Variants in NFIA observed in about 807,000 individuals in gnomAD.
The protein encoded by NFIA is nuclear factor 1 A-type.
A neutral mutation model predicts 62.8 loss-of-function variants in NFIA; 8 were observed. The observed-to-expected ratio is 0.13, with a 90% CI of 0.07 to 0.23. The LOEUF (loss-of-function observed/expected upper bound fraction) is 0.23. NFIA is among the 10% of genes least tolerant of loss of function. The pLI, the probability that NFIA is intolerant of heterozygous loss-of-function variation, is 1.00. For missense variants in NFIA, 410 were observed against 642.1 expected (o/e 0.64, Z 3.91); for synonymous variants, 235 against 238.1 (o/e 0.99, Z 0.12).
At chr1:61,448,748 A>G (rs893232025) in intron 10 of NFIA, among the ~76,000 whole-genome samples, 3 of 152,172 alleles carry the variant, frequency 2.0e-5, no homozygotes, top group Non-Finnish European at 4.4e-5. Context: ...GCCGGAGTGC[A>G]GTTTTTAATC....
chr1:61,138,202 C>G (rs1259201208), intron 2 of NFIA, among the ~76,000 whole-genome samples: 2 of 151,908 alleles, frequency 1.3e-5, no homozygotes, highest in Non-Finnish European at 2.9e-5. Context: ...CTCAATTGAT[C>G]CTCCCACCTC....
chr1:61,390,480 G>A lies in NFIA; in HGVS notation c.1075+7115G>A, dbSNP rs1664917500. On this transcript the variant is annotated intron_variant, in intron 7 of 10. Transcript: ENST00000403491. ...ATTCCAGTTTCTGTTTGGAGAGGTA[G>A]TCAGAAGTTTATATGCTCTATAAAC... 2.0e-5 allele frequency among the ~76,000 whole-genome samples: 3 copies of A among 152,326 alleles called. No homozygotes were observed. The South Asian group carries it at 6.2e-4, about 32-fold the overall frequency.
chr1:61,456,594 C>T lies in NFIA; in HGVS notation c.*1274C>T, dbSNP rs1255393433. ...CATAGGATTTATCAGTTATCAGACA[C>T]CTCATTGTACCAGAGATTGTCCAGA... On this transcript the variant is annotated 3_prime_UTR_variant, in exon 11 of 11. Transcript: ENST00000403491. 2.0e-5 allele frequency: 3 copies of T among 151,188 alleles called. No homozygotes were observed. Among genetic ancestry groups the T allele is most frequent in the Non-Finnish European group, 4.4e-5 (3 of 67,820 alleles). The allele number at this position is 151,188 out of a possible 1,614,324, so 9.4% of individuals were successfully genotyped here.
chr1:61,257,512 A>AT (rs35345563), intron 2 of NFIA, among the ~76,000 whole-genome samples: 103 of 150,558 alleles, frequency 6.8e-4, no homozygotes, highest in African/African-American at 2.2e-3. Flanking sequence ...TAATTTTTGT[A>AT]TTTTTTTAGT....
At chr1:61,192,690 G>A (rs891000694) in intron 2 of NFIA, among the ~76,000 whole-genome samples, 1 of 149,358 alleles carries the variant, frequency 6.7e-6, no homozygotes, top group African/African-American at 2.5e-5. Context: ...GTGACGGAGC[G>A]AGACTCTTGT....
chr1:61,123,542 A>C (rs1020444434), intron 2 of NFIA, among the ~76,000 whole-genome samples: 1 of 152,206 alleles, frequency 6.6e-6, no homozygotes, highest in Non-Finnish European at 1.5e-5. Flanking sequence ...GTGAAATGAC[A>C]TAAGTCTGTA....
At chr1:61,201,963 C>A (rs1312884664) in intron 2 of NFIA, among the ~76,000 whole-genome samples, 3 of 151,958 alleles carry the variant, frequency 2.0e-5, no homozygotes, top group Admixed American at 6.6e-5. Context: ...AAAAAACACT[C>A]AGATTCCAAT....
chr1:61,390,702 A>G (rs1462576532), intron 7 of NFIA, among the ~76,000 whole-genome samples: 3 of 152,206 alleles, frequency 2.0e-5, no homozygotes, highest in Non-Finnish European at 4.4e-5. Flanking sequence ...CATAATAGGC[A>G]TAGACAATAA....
At chr1:61,277,329 G>A (rs769991524) in intron 2 of NFIA, among the ~76,000 whole-genome samples, 191 bp from the exon 3 acceptor site, 4 of 151,108 alleles carry the variant, frequency 2.6e-5, no homozygotes, top group South Asian at 2.1e-4. Flanking sequence ...CTCTCTAAAG[G>A]CACAGGCTGC....
At chr1:61,162,566 A>G (rs1310241712) in intron 2 of NFIA, among the ~76,000 whole-genome samples, 3 of 152,196 alleles carry the variant, frequency 2.0e-5, no homozygotes, top group Non-Finnish European at 4.4e-5. Context: ...TCCTAGTACC[A>G]GGGTTCCACG....
chr1:61,111,561 A>G (rs1291460448), intron 2 of NFIA, among the ~76,000 whole-genome samples: 1 of 152,142 alleles, frequency 6.6e-6, no homozygotes, highest in Non-Finnish European at 1.5e-5. Flanking sequence ...CTTTATAGCC[A>G]ACAGAAAAGG....
chr1:61,114,488 C>G (rs957184307), intron 2 of NFIA, among the ~76,000 whole-genome samples: 3 of 152,142 alleles, frequency 2.0e-5, no homozygotes, highest in Non-Finnish European at 4.4e-5. Flanking sequence ...GATCCTTTCT[C>G]AAAACATAAA....
chr1:61,166,201 T>C (rs544510198), intron 2 of NFIA, among the ~76,000 whole-genome samples: 4 of 152,222 alleles, frequency 2.6e-5, no homozygotes, highest in Admixed American at 2.6e-4. Context: ...TAGGAAAATA[T>C]AGTACATTTC....
intron 2 of NFIA, among the ~76,000 whole-genome samples, chr1:61,212,158 G>A (rs1354916446): frequency 6.6e-6 from 1 of 152,148 alleles, no homozygotes; most frequent in Non-Finnish European, 1.5e-5. Context: ...AGAGGGATAA[G>A]CAAGCAAGGA....
chr1:61,328,871 C>T (rs199973555), intron 3 of NFIA, among the ~76,000 whole-genome samples: 4 of 150,946 alleles, frequency 2.6e-5, no homozygotes, highest in African/African-American at 4.9e-5. Context: ...TACAGGTACA[C>T]GTCACTACAG....
chr1:61,329,475 C>T (rs745732096), intron 3 of NFIA, among the ~76,000 whole-genome samples: 4 of 150,792 alleles, frequency 2.7e-5, no homozygotes, highest in Admixed American at 6.6e-5. Context: ...CTCTGCCTCC[C>T]GGGTTCAAGT....
At chr1:61,341,513 C>G (rs1049762791) in intron 4 of NFIA, among the ~76,000 whole-genome samples, 1 of 152,168 alleles carries the variant, frequency 6.6e-6, no homozygotes, top group Non-Finnish European at 1.5e-5. Flanking sequence ...GAGTCTCACT[C>G]TGTTGTCCAG....
At chr1:61,448,609 G>T (rs144691550) in intron 10 of NFIA, among the ~76,000 whole-genome samples, 2 of 152,200 alleles carry the variant, frequency 1.3e-5, no homozygotes, top group Non-Finnish European at 2.9e-5. Flanking sequence ...ACCTAGTGAT[G>T]CTAACTTGCC....
chr1:61,436,280 A>C (rs767024575), intron 10 of NFIA, among the ~76,000 whole-genome samples: 31 of 152,176 alleles, frequency 2.0e-4, no homozygotes, highest in Non-Finnish European at 1.2e-4. Flanking sequence ...CTGGTTTTGC[A>C]GAGCTTGAGT....
Sources: gnomAD v4.1 joint callset for allele counts (sites outside exome capture counted in the v4.1 genomes callset) on GRCh38, gnomAD v4.1.1 for gene constraint, MANE v1.5 for transcripts, NCBI Gene and HGNC (gene_info 2026-07-23, HGNC 2026-07-21) for gene names.